Variants in MID1 observed in about 807,000 individuals in gnomAD.
MID1 encodes midline 1.
A neutral mutation model predicts 40.4 loss-of-function variants in MID1; 7 were observed. The ratio of observed to expected loss-of-function variants is 0.17; its 90% CI spans 0.10 to 0.33. The LOEUF is 0.33. MID1 is among the 10% of genes least tolerant of loss of function. MID1 has a pLI of 1.00. For missense variants in MID1, 367 were observed against 558.5 expected (o/e 0.66, Z 3.46); for synonymous variants, 229 against 221.2 (o/e 1.04, Z -0.31).
At chrX:10,720,508 A>G (rs924393625) in intron 1 of MID1, among the ~76,000 whole-genome samples, 1 of 112,237 alleles carries the variant, frequency 8.9e-6, no homozygotes, top group Non-Finnish European at 1.9e-5. Flanking sequence ...ATACCATCTC[A>G]CACTAGTTAG....
At chrX:10,730,931 T>C (rs1257514613) in intron 1 of MID1, among the ~76,000 whole-genome samples, 1 of 111,635 alleles carries the variant, frequency 9.0e-6, no homozygotes, top group Non-Finnish European at 1.9e-5. Flanking sequence ...AATTTAAATC[T>C]GACTAAAATC....
intron 2 of MID1, among the ~76,000 whole-genome samples, chrX:10,553,217 C>T (rs186664488): frequency 1.8e-3 from 190 of 107,752 alleles, no homozygotes; most frequent in African/African-American, 6.2e-3. Flanking sequence ...CACTGGACTC[C>T]AGCCTGGGCT....
At position 10,474,087 on chromosome X, in the gene MID1, T is replaced by C. The variant is rs548668060; in HGVS notation, c.1141+536A>G. Among the ~76,000 whole-genome samples, 106 of 112,047 alleles carry C rather than the reference T, an allele frequency of 9.5e-4. No homozygotes were observed. In the Middle Eastern group the frequency reaches 0.014, roughly 15 times the overall value. On this transcript the variant is annotated intron_variant, in intron 6 of 9. Coordinates refer to ENST00000317552, the MANE Select transcript of MID1 (RefSeq NM_000381.4). ...AGAAAGAGCAGAAGTTTTTGGAGTT[T>C]GTACAGGTCCCAGCCAAATTCTAAT... is the stretch of plus-strand genomic sequence containing the variant.
intron 1 of MID1, among the ~76,000 whole-genome samples, chrX:10,645,111 G>A (rs1255856019): frequency 8.9e-6 from 1 of 111,740 alleles, no homozygotes; most frequent in African/African-American, 3.3e-5. Flanking sequence ...GGGGTCAGGA[G>A]GGCTCTCTTC....
At chrX:10,773,669 T>A (rs2043784758) in intron 1 of MID1, among the ~76,000 whole-genome samples, 1 of 112,287 alleles carries the variant, frequency 8.9e-6, no homozygotes, top group Non-Finnish European at 1.9e-5. Flanking sequence ...TTGTATTGTT[T>A]GTTATGTATT....
chrX:10,666,905 A>C (rs1290469223), intron 1 of MID1, among the ~76,000 whole-genome samples: 1 of 112,030 alleles, frequency 8.9e-6, no homozygotes, highest in Non-Finnish European at 1.9e-5. Context: ...TTTAGGTATA[A>C]GGAATTTCCT....
chrX:10,491,062 T>C (rs187713226), intron 4 of MID1, among the ~76,000 whole-genome samples: 4 of 112,137 alleles, frequency 3.6e-5, no homozygotes, highest in African/African-American at 1.3e-4. Flanking sequence ...TTTTAAATTA[T>C]TTTTTACAAG....
chrX:10,584,193 C>T lies in MID1; in HGVS notation c.-56-16590G>A, dbSNP rs188384789. Among the ~76,000 whole-genome samples, 12 of 111,642 alleles carry T rather than the reference C, an allele frequency of 1.1e-4. No homozygotes were observed. In the East Asian group the frequency reaches 1.7e-3, roughly 16 times the overall value. On this transcript the variant is annotated intron_variant, in intron 1 of 9. Transcript: ENST00000317552. ...CCACTTCCACAAACCCTTTTAATAG[C>T]GGCATTAATCCATTCGTAAGGGCTT...
chrX:10,610,326 C>T (rs1246246381), intron 1 of MID1, among the ~76,000 whole-genome samples: 3 of 112,179 alleles, frequency 2.7e-5, no homozygotes, highest in Admixed American at 9.5e-5. Context: ...CAGATACATC[C>T]GCCCCATACA....
intron 1 of MID1, among the ~76,000 whole-genome samples, chrX:10,811,960 GT>G (rs1245981913): frequency 3.6e-5 from 4 of 111,847 alleles, no homozygotes; most frequent in East Asian, 5.6e-4. Context: ...AGGTAAGAAG[GT>G]TTTTTTGTTA....
chrX:10,579,698 C>T (rs1421644558), intron 1 of MID1, among the ~76,000 whole-genome samples: 1 of 111,378 alleles, frequency 9.0e-6, no homozygotes, highest in Non-Finnish European at 1.9e-5. Flanking sequence ...GTAAGGAAAA[C>T]GAACCCTTAT....
At chrX:10,827,963 ACT>A in intron 1 of MID1, among the ~76,000 whole-genome samples, 1 of 110,721 alleles carries the variant, frequency 9.0e-6, no homozygotes, top group East Asian at 2.9e-4. Context: ...TCAGCCAATA[ACT>A]CTCTGTTAGA....
chrX:10,478,521 G>A (rs1930136143), intron 5 of MID1, among the ~76,000 whole-genome samples: 1 of 111,976 alleles, frequency 8.9e-6, no homozygotes. Context: ...ATGTGCTGGG[G>A]CTATAATGGT....
chrX:10,545,496 G>A (rs1933647802), intron 2 of MID1, among the ~76,000 whole-genome samples: 1 of 111,778 alleles, frequency 8.9e-6, no homozygotes. Flanking sequence ...TTGGGAGCCT[G>A]TGTCTTTTGT....
At chrX:10,643,259 T>C (rs1221303777) in intron 1 of MID1, among the ~76,000 whole-genome samples, 5 of 111,407 alleles carry the variant, frequency 4.5e-5, no homozygotes, top group African/African-American at 1.3e-4. Context: ...TTTTACAATC[T>C]ACCCATCTGA....
At chrX:10,595,003 T>TA (rs1485682048) in intron 1 of MID1, among the ~76,000 whole-genome samples, 2 of 111,663 alleles carry the variant, frequency 1.8e-5, no homozygotes, top group Non-Finnish European at 3.8e-5. Flanking sequence ...AACTGGCATT[T>TA]AAAAAAATAC....
At chrX:10,504,943 G>A (rs1931754333) in intron 3 of MID1, among the ~76,000 whole-genome samples, 2 of 111,486 alleles carry the variant, frequency 1.8e-5, no homozygotes, top group Admixed American at 1.9e-4. Flanking sequence ...GATTTAGCAT[G>A]AGCGTCACAG....
In MID1 at chrX:10,739,744, G is replaced by A. The variant is rs139973852; in HGVS notation, c.-187+93810C>T. On this transcript the variant is annotated intron_variant, in intron 1 of 10. Coordinates refer to the MID1 transcript ENST00000380785. ...AGTGATGAAGATTTTAAAAATAACTGGGAAAAGAGTGTCCTGACACCATGG... is the reference window on the plus strand; with the variant it reads ...AGTGATGAAGATTTTAAAAATAACTAGGAAAAGAGTGTCCTGACACCATGG... Among the ~76,000 whole-genome samples, 674 of 111,767 alleles carry A rather than the reference G, an allele frequency of 6.0e-3. 4 individuals carry two copies. Among genetic ancestry groups the A allele is most frequent in the African/African-American group, 0.021 (638 of 30,799 alleles).
At chrX:10,824,267 T>C (rs951145185) in intron 1 of MID1, among the ~76,000 whole-genome samples, 1 of 112,141 alleles carries the variant, frequency 8.9e-6, no homozygotes, top group African/African-American at 3.2e-5. Context: ...GCAAGAGCTT[T>C]ATTTGGGGGT....
Sources: gnomAD v4.1 joint callset for allele counts (sites outside exome capture counted in the v4.1 genomes callset) on GRCh38, gnomAD v4.1.1 for gene constraint, MANE v1.5 for transcripts, NCBI Gene and HGNC (gene_info 2026-07-23, HGNC 2026-07-21) for gene names.